BBS9: variants seen among roughly 807,000 people sequenced by gnomAD.
BBS9 encodes protein PTHB1.
Under a neutral mutation model 117.7 loss-of-function variants are expected in BBS9, and 89 were observed. The ratio of observed to expected loss-of-function variants is 0.76; its 90% CI spans 0.64 to 0.90. The LOEUF (loss-of-function observed/expected upper bound fraction) is 0.90. BBS9 is among the 40% of genes least tolerant of loss of function. The probability of loss-of-function intolerance (pLI) is 0.00; values close to 1 mark genes in which losing one functional copy is unlikely to be tolerated. For synonymous variants in BBS9, 379 were observed against 370.9 expected (o/e 1.02, Z -0.25); for missense variants, 982 against 1,042.2 (o/e 0.94, Z 0.80).
intron 9 of BBS9, among the ~76,000 whole-genome samples, chr7:33,309,004 T>C (rs1410622623): frequency 1.3e-5 from 2 of 152,238 alleles, no homozygotes; most frequent in African/African-American, 4.8e-5. Context: ...CAGAGTGAGC[T>C]TGGTTCATTT....
At chr7:33,130,430 A>C (rs545922345) in intron 1 of BBS9, among the ~76,000 whole-genome samples, 128 of 152,284 alleles carry the variant, frequency 8.4e-4, no homozygotes, top group African/African-American at 2.8e-3. Context: ...TTACTTGGAG[A>C]CCACAACAGT....
chr7:33,390,316 A>T, intron 19 of BBS9: 1 of 985,190 alleles, frequency 1.0e-6, no homozygotes, highest in Non-Finnish European at 1.2e-6. Flanking sequence ...ATATAGTAAG[A>T]CTTCGTCTTT....
intron 21 of BBS9, among the ~76,000 whole-genome samples, chr7:33,619,842 T>C (rs1865319218): frequency 1.3e-5 from 2 of 152,052 alleles, no homozygotes; most frequent in African/African-American, 4.8e-5. Context: ...TTATGGGATA[T>C]AGCAAAAGCA....
At chr7:33,613,256 A>G (rs1864967668) in intron 21 of BBS9, among the ~76,000 whole-genome samples, 1 of 152,070 alleles carries the variant, frequency 6.6e-6, no homozygotes, top group Non-Finnish European at 1.5e-5. Flanking sequence ...ATTGTTCTGG[A>G]AATCAAAGAA....
intron 21 of BBS9, among the ~76,000 whole-genome samples, chr7:33,602,303 C>T (rs1863917838): frequency 6.6e-6 from 1 of 152,192 alleles, no homozygotes; most frequent in Admixed American, 6.5e-5. Flanking sequence ...TCAGCTTCGG[C>T]TTCTTTTCTT....
At chr7:33,195,415 G>A (rs762037825) in intron 5 of BBS9, among the ~76,000 whole-genome samples, 63 of 152,128 alleles carry the variant, frequency 4.1e-4, no homozygotes, top group Non-Finnish European at 7.8e-4. Context: ...ATGGGTTATT[G>A]TGGTCACTGT....
At chr7:33,409,173 GC>G (rs1273051292) in intron 19 of BBS9, among the ~76,000 whole-genome samples, 2 of 152,066 alleles carry the variant, frequency 1.3e-5, no homozygotes, top group African/African-American at 4.8e-5. Flanking sequence ...GGTCCCACTT[GC>G]CCATTTTTGT....
intron 5 of BBS9, among the ~76,000 whole-genome samples, chr7:33,234,608 T>C (rs555534116): frequency 6.6e-6 from 1 of 152,226 alleles, no homozygotes; most frequent in South Asian, 2.1e-4. Flanking sequence ...GCTGAAACTT[T>C]GTCCCCCTTG....
chr7:33,335,801 G>C (rs142848873), intron 9 of BBS9, among the ~76,000 whole-genome samples: 1,572 of 152,260 alleles, frequency 0.01, 17 homozygotes, highest in African/African-American at 0.036. Context: ...AAGAGAAAGA[G>C]AGAACAAACC....
At chr7:33,286,788 G>C (rs1174812059) in intron 9 of BBS9, among the ~76,000 whole-genome samples, 1 of 152,044 alleles carries the variant, frequency 6.6e-6, no homozygotes, top group Non-Finnish European at 1.5e-5. Context: ...CTGTTAACTG[G>C]TGTATGGCCT....
At chr7:33,598,934 T>TTTA (rs1863366186) in intron 21 of BBS9, among the ~76,000 whole-genome samples, 1 of 152,204 alleles carries the variant, frequency 6.6e-6, no homozygotes, top group Admixed American at 6.5e-5. Context: ...CAACACCTGT[T>TTTA]TTAGTAAATA....
At position 33,604,889 on chromosome 7, in the gene BBS9, C is replaced by G. The variant is rs746240388; in HGVS notation, c.2546C>G (p.Ser849Ter). 2 of 1,613,038 alleles carry G rather than the reference C, an allele frequency of 1.2e-6. No homozygotes were observed. Among genetic ancestry groups the G allele is most frequent in the South Asian group, 2.2e-5 (2 of 91,020 alleles). Residue 849 changes from serine to a stop codon, truncating the protein, a stop_gained, in exon 22 of 23, where the codon TCA becomes TGA. Transcript: ENST00000242067. LOFTEE classifies it high-confidence loss of function. ...MPGGCTTIPE[S>*]DLEERSVEQD... Reference sequence around the variant, plus strand: ...GGTGGTTGTACTACAATCCCAGAGTCAGACCTAGAAGAAAGATCAGTAGAA... The same window carrying G: ...GGTGGTTGTACTACAATCCCAGAGTGAGACCTAGAAGAAAGATCAGTAGAA...
intron 19 of BBS9, among the ~76,000 whole-genome samples, chr7:33,484,900 C>T (rs1194859238): frequency 6.6e-6 from 1 of 152,182 alleles, no homozygotes. Context: ...GCGCAAATGC[C>T]TGTCAATGAT....
chr7:33,160,508 A>G (rs1177937849), intron 4 of BBS9, among the ~76,000 whole-genome samples: 3 of 152,162 alleles, frequency 2.0e-5, no homozygotes, highest in African/African-American at 7.2e-5. Context: ...TTTCACTTCT[A>G]TTGTTCATGG....
intron 21 of BBS9, among the ~76,000 whole-genome samples, chr7:33,538,015 G>A (rs1301768161): frequency 6.6e-6 from 1 of 152,186 alleles, no homozygotes; most frequent in Non-Finnish European, 1.5e-5. Context: ...AGCTTGGAGA[G>A]CAAATGCTGT....
At chr7:33,494,854 T>C (rs1402464868) in intron 19 of BBS9, among the ~76,000 whole-genome samples, 1 of 152,194 alleles carries the variant, frequency 6.6e-6, no homozygotes, top group Non-Finnish European at 1.5e-5. Context: ...ATTACAATGT[T>C]CCAATAGCCT....
intron 20 of BBS9, among the ~76,000 whole-genome samples, chr7:33,526,431 G>A (rs1849511324): frequency 1.3e-5 from 2 of 151,978 alleles, no homozygotes; most frequent in Admixed American, 6.6e-5. Context: ...CATATTTCTT[G>A]GAGGCTTTGC....
At chr7:33,588,272 G>T (rs1861290910) in intron 21 of BBS9, among the ~76,000 whole-genome samples, 1 of 151,950 alleles carries the variant, frequency 6.6e-6, no homozygotes, top group Non-Finnish European at 1.5e-5. Flanking sequence ...ACCTTTTTTG[G>T]TTCACAGAGC....
intron 19 of BBS9, among the ~76,000 whole-genome samples, chr7:33,450,093 T>G (rs1371614180): frequency 2.6e-5 from 4 of 152,180 alleles, no homozygotes; most frequent in Admixed American, 2.6e-4. Context: ...TTTGACCACT[T>G]TAGATACCTC....
Sources: gnomAD v4.1 joint callset for allele counts (sites outside exome capture counted in the v4.1 genomes callset) on GRCh38, gnomAD v4.1.1 for gene constraint, MANE v1.5 for transcripts, NCBI Gene and HGNC (gene_info 2026-07-23, HGNC 2026-07-21) for gene names.